The following ASCC3 variants were observed in gnomAD, a reference collection of about 807,000 sequenced individuals.
ASCC3 encodes the protein activating signal cointegrator 1 complex subunit 3, also known as ASC-1 complex subunit P200.
In ASCC3, 158 loss-of-function variants were observed where a neutral mutation model predicts 256.3. That is an observed-to-expected ratio of 0.62 (90% CI 0.54 to 0.70). ASCC3 has a LOEUF of 0.70. Among genes scored for constraint, ASCC3 ranks in the 30% least tolerant of loss-of-function variants. The pLI is 0.00. For missense variants in ASCC3, 2,259 were observed against 2,626.0 expected (o/e 0.86, Z 3.05); for synonymous variants, 948 against 883.4 (o/e 1.07, Z -1.30).
intron 37 of ASCC3, among the ~76,000 whole-genome samples, chr6:100,531,876 C>G (rs367863776): frequency 6.6e-6 from 1 of 151,986 alleles, no homozygotes; most frequent in African/African-American, 2.4e-5. Context: ...TTTTGAAATG[C>G]TTATCTGCCT....
intron 29 of ASCC3, 47 bp from the exon 30 acceptor site, chr6:100,625,381 G>A: frequency 1.3e-6 from 2 of 1,595,566 alleles, no homozygotes; most frequent in Non-Finnish European, 1.7e-6. Context: ...CTTAACCCCA[G>A]AATATGAATT....
intron 36 of ASCC3, among the ~76,000 whole-genome samples, chr6:100,584,654 A>C (rs1273306721): frequency 6.6e-5 from 10 of 151,106 alleles, no homozygotes; most frequent in Non-Finnish European, 8.9e-5. Context: ...TTTGCTCATT[A>C]GTTTATGCAG....
chr6:100,751,012 C>T (rs1438783776), intron 10 of ASCC3, among the ~76,000 whole-genome samples: 6 of 152,014 alleles, frequency 3.9e-5, no homozygotes, highest in African/African-American at 1.2e-4. Context: ...CTTATTTGCT[C>T]CCCTAATTCA....
chr6:100,656,120 AT>A (rs943732749), intron 16 of ASCC3, among the ~76,000 whole-genome samples: 112 of 146,380 alleles, frequency 7.7e-4, no homozygotes, highest in African/African-American at 2.8e-3. Context: ...GACATTTGTT[AT>A]TTTTTTTTCT....
intron 36 of ASCC3, among the ~76,000 whole-genome samples, chr6:100,573,968 G>C (rs1054721430): frequency 6.6e-6 from 1 of 151,998 alleles, no homozygotes; most frequent in Non-Finnish European, 1.5e-5. Flanking sequence ...TAACTCTTTG[G>C]GGGAGGACAA....
At chr6:100,539,045 G>T (rs1314388710) in intron 37 of ASCC3, among the ~76,000 whole-genome samples, 1 of 152,008 alleles carries the variant, frequency 6.6e-6, no homozygotes, top group Non-Finnish European at 1.5e-5. Context: ...ATAATCTTTG[G>T]TTCCTTGCTT....
intron 14 of ASCC3, among the ~76,000 whole-genome samples, chr6:100,674,568 T>C (rs1165305491): frequency 6.6e-6 from 1 of 151,958 alleles, no homozygotes; most frequent in Admixed American, 6.6e-5. Context: ...AACTCATGGG[T>C]AAACATTTAC....
intron 14 of ASCC3, among the ~76,000 whole-genome samples, chr6:100,675,028 AAC>A (rs1776940028): frequency 1.3e-5 from 2 of 152,088 alleles, no homozygotes; most frequent in Non-Finnish European, 2.9e-5. Flanking sequence ...TCAACATTAA[AAC>A]ACAGGTTTGC....
chr6:100,654,150 T>C, intron 17 of ASCC3, among the ~76,000 whole-genome samples: 1 of 152,114 alleles, frequency 6.6e-6, no homozygotes, highest in East Asian at 1.9e-4. Context: ...CTATGAGTGA[T>C]AATATATGTA....
chr6:100,653,231 C>T (rs1475308988), intron 17 of ASCC3, among the ~76,000 whole-genome samples: 1 of 152,080 alleles, frequency 6.6e-6, no homozygotes, highest in Non-Finnish European at 1.5e-5. Context: ...TTCTCCCATA[C>T]TAAAGTAAAT....
chr6:100,843,931 C>A (rs1256690293), intron 4 of ASCC3, among the ~76,000 whole-genome samples: 1 of 151,228 alleles, frequency 6.6e-6, no homozygotes, highest in Non-Finnish European at 1.5e-5. Flanking sequence ...ACTTGAGAAC[C>A]TGGTCTGTGA....
At chr6:100,873,674 G>A (rs1773855974) in intron 1 of ASCC3, among the ~76,000 whole-genome samples, 1 of 152,286 alleles carries the variant, frequency 6.6e-6, no homozygotes, top group Non-Finnish European at 1.5e-5. Context: ...ATTAACAGCA[G>A]ATTTCTCAGC....
chr6:100,746,037 T>C (rs1202854703), intron 10 of ASCC3, among the ~76,000 whole-genome samples: 1 of 151,880 alleles, frequency 6.6e-6, no homozygotes. Flanking sequence ...TCTTAAAAGA[T>C]AGCTAATACT....
intron 24 of ASCC3, among the ~76,000 whole-genome samples, chr6:100,639,723 C>G (rs1317199225): frequency 1.3e-5 from 2 of 152,128 alleles, no homozygotes; most frequent in Non-Finnish European, 2.9e-5. Flanking sequence ...AAAAAATTAT[C>G]CTTTCCCCAC....
intron 17 of ASCC3, among the ~76,000 whole-genome samples, chr6:100,653,379 C>T (rs1314168462): frequency 2.0e-5 from 3 of 152,072 alleles, no homozygotes; most frequent in Admixed American, 1.3e-4. Context: ...GTGGCTCACA[C>T]CTGTAATCCC....
chr6:100,776,577 C>T (rs1782198615), intron 8 of ASCC3, among the ~76,000 whole-genome samples: 2 of 151,970 alleles, frequency 1.3e-5, no homozygotes, highest in South Asian at 4.1e-4. Context: ...TATGAAATTC[C>T]ATAGAAAGTG....
intron 10 of ASCC3, among the ~76,000 whole-genome samples, chr6:100,762,313 A>C (rs767272257): frequency 6.6e-6 from 1 of 152,240 alleles, no homozygotes; most frequent in Admixed American, 6.5e-5. Context: ...GCTTTGCTTT[A>C]ACACAGTTAC....
rs764478077 is a variant in ASCC3, at chr6:100,650,686, T to G, written c.3104A>C (p.Asp1035Ala). The G allele has an allele frequency of 1.2e-6, 2 of 1,611,530 alleles. No homozygotes were observed. The highest frequency in any genetic ancestry group is 3.3e-5 in the Admixed American group (2 of 59,934). The part of the protein sequence containing the change: ...KVREEEIEEL[D>A]TLLSNFCELS... ...TTCACAAAAATTGCTTAATAAGGTA[T>G]CTAACTCCTCTATTTCCTCTTCTCT... Residue 1035 changes from aspartate to alanine, a missense_variant, in exon 20 of 42, where the codon GAT becomes GCT. Physicochemically the swap from Asp to Ala is moderately radical, Grantham distance 126. Transcript: ENST00000369162.
intron 3 of ASCC3, among the ~76,000 whole-genome samples, chr6:100,863,580 A>G (rs919713539): frequency 2.0e-5 from 3 of 151,876 alleles, no homozygotes; most frequent in African/African-American, 7.3e-5. Flanking sequence ...CCAGCCTGTC[A>G]CTCTCTATCC....
Sources: gnomAD v4.1 joint callset for allele counts (sites outside exome capture counted in the v4.1 genomes callset) on GRCh38, gnomAD v4.1.1 for gene constraint, MANE v1.5 for transcripts, NCBI Gene and HGNC (gene_info 2026-07-23, HGNC 2026-07-21) for gene names.